Variants in COL28A1 observed in about 807,000 individuals in gnomAD.
The protein encoded by COL28A1 is collagen type XXVIII alpha 1 chain, also known as collagen alpha-1(XXVIII) chain.
Under a neutral mutation model 150.2 loss-of-function variants are expected in COL28A1, and 161 were observed. That is an observed-to-expected ratio of 1.07 (90% confidence interval 0.94 to 1.22). The LOEUF (loss-of-function observed/expected upper bound fraction) is 1.22. Among genes scored for constraint, COL28A1 ranks in the 50% most tolerant of loss-of-function variants. The pLI is 0.00. For missense variants in COL28A1, 1,617 were observed against 1,388.3 expected (o/e 1.16, Z -2.62); for synonymous variants, 552 against 469.7 (o/e 1.18, Z -2.26).
the COL28A1 span, among the ~76,000 whole-genome samples, chr7:7,340,554 C>T: frequency 2.6e-5 from 4 of 152,084 alleles, no homozygotes; most frequent in African/African-American, 4.8e-5. Flanking sequence ...ATGATGCGGC[C>T]GTAGGCAATT....
At position 7,373,978 on chromosome 7, in the gene COL28A1, C is replaced by T. The variant is rs1366311602; in HGVS notation, c.2360-432G>A. ...CCTCCCAAAGTGCTGGGATTACAGG[C>T]GTGAGCCACCGCGCCCGGCCCCTTC... On this transcript the variant is annotated intron_variant, in intron 31 of 34. Transcript: ENST00000399429. This position sits in a 1 kb window ranked among gnomAD's most constrained non-coding sequence, Gnocchi z 4.1. 2.7e-5 allele frequency among the ~76,000 whole-genome samples: 4 copies of T among 145,702 alleles called. No individual in the cohort carries two copies. Among genetic ancestry groups the T allele is most frequent in the African/African-American group, 5.1e-5 (2 of 39,018 alleles).
At chr7:7,360,742 G>A (rs1266122821) in intron 33 of COL28A1, among the ~76,000 whole-genome samples, 2 of 152,056 alleles carry the variant, frequency 1.3e-5, no homozygotes, top group African/African-American at 2.4e-5. Context: ...ACCACTTGGT[G>A]TGGGTGTATT....
At chr7:7,496,605 G>T (rs1473827728) in intron 11 of COL28A1, among the ~76,000 whole-genome samples, 4 of 152,100 alleles carry the variant, frequency 2.6e-5, no homozygotes, top group Non-Finnish European at 4.4e-5. Context: ...AAATTCAGCT[G>T]AGAAAACCGA....
At chr7:7,453,269 T>C (rs560817440) in intron 17 of COL28A1, among the ~76,000 whole-genome samples, 171 bp downstream of exon 17, 1 of 152,336 alleles carries the variant, frequency 6.6e-6, no homozygotes, top group African/African-American at 2.4e-5. Context: ...GCATAAAGAA[T>C]ACATATTACA....
intron 11 of COL28A1, among the ~76,000 whole-genome samples, chr7:7,504,593 C>T (rs944537483): frequency 3.9e-5 from 6 of 152,220 alleles, no homozygotes; most frequent in East Asian, 3.9e-4. Context: ...CTGCCAGCCA[C>T]GACCTGCATC....
chr7:7,424,605 G>C lies in COL28A1; in HGVS notation c.1999-4652C>G, dbSNP rs146367850. 1.3e-3 allele frequency among the ~76,000 whole-genome samples: 192 copies of C among 152,218 alleles called. 1 individual carries two copies. The highest frequency in any genetic ancestry group is 4.3e-3 in the African/African-American group (179 of 41,530). The stretch of plus-strand genomic sequence containing the variant: ...GCCTGCAGAGGGAGCCCTTGTATTA[G>C]GAGATAATGAACAGACGTGCGAGCA... On this transcript the variant is annotated intron_variant, in intron 25 of 34. Coordinates refer to ENST00000399429, the MANE Select transcript of COL28A1 (RefSeq NM_001037763.3).
chr7:7,339,970 GATAGTCCTT>G, the COL28A1 span, among the ~76,000 whole-genome samples: 1 of 152,034 alleles, frequency 6.6e-6, no homozygotes, highest in Non-Finnish European at 1.5e-5. Flanking sequence ...ATGTTGATTT[GATAGTCCTT>G]ACATTATTGT....
intron 12 of COL28A1, among the ~76,000 whole-genome samples, chr7:7,489,664 C>G (rs1779813229): frequency 6.6e-6 from 1 of 152,056 alleles, no homozygotes; most frequent in East Asian, 1.9e-4. Flanking sequence ...TCTTCTTGTC[C>G]AAATGTAATT....
the COL28A1 span, among the ~76,000 whole-genome samples, chr7:7,348,210 T>C: frequency 1.6e-4 from 24 of 151,998 alleles, no homozygotes; most frequent in Non-Finnish European, 3.4e-4. Context: ...GAGAGTAAAG[T>C]TGGAGTTCAG....
intron 27 of COL28A1, among the ~76,000 whole-genome samples, chr7:7,390,172 A>T (rs895752960): frequency 2.0e-5 from 3 of 152,116 alleles, no homozygotes; most frequent in African/African-American, 7.2e-5. Flanking sequence ...ATCCATCAAT[A>T]CCTAGTTTAT....
chr7:7,384,549 A>G (rs1430973590), intron 27 of COL28A1, among the ~76,000 whole-genome samples: 1 of 152,158 alleles, frequency 6.6e-6, no homozygotes, highest in East Asian at 1.9e-4. Context: ...CTATTTTATT[A>G]TGTGTTTGTT....
chr7:7,540,387 T>C (rs1034750883), upstream of COL28A1, among the ~76,000 whole-genome samples: 1 of 152,248 alleles, frequency 6.6e-6, no homozygotes, highest in Non-Finnish European at 1.5e-5. Context: ...CTGATTGGTA[T>C]TTAAACTTTT....
chr7:7,356,365 C>G (rs1583205272), downstream of COL28A1: 1 of 152,120 alleles, frequency 6.6e-6, no homozygotes, highest in Non-Finnish European at 1.5e-5. Context: ...GAATAGAGAG[C>G]TGGGATGGCG....
intron 13 of COL28A1, among the ~76,000 whole-genome samples, chr7:7,484,572 A>G (rs1015151432): frequency 2.6e-5 from 4 of 152,178 alleles, no homozygotes; most frequent in Non-Finnish European, 5.9e-5. Context: ...TGGTAGGATG[A>G]AAATAAAGTA....
chr7:7,541,034 C>A, the COL28A1 span, among the ~76,000 whole-genome samples: 3 of 151,988 alleles, frequency 2.0e-5, no homozygotes, highest in African/African-American at 7.2e-5. Flanking sequence ...ATAAGAATAT[C>A]CAAAAAAAGT....
intron 15 of COL28A1, among the ~76,000 whole-genome samples, chr7:7,463,159 T>C (rs1787775937): frequency 6.6e-6 from 1 of 151,864 alleles, no homozygotes; most frequent in South Asian, 2.1e-4. Flanking sequence ...GAACTAGATA[T>C]CAAAATACAA....
At chr7:7,527,122 C>T (rs566057040) in intron 3 of COL28A1, among the ~76,000 whole-genome samples, 15 of 152,266 alleles carry the variant, frequency 9.9e-5, no homozygotes, top group Non-Finnish European at 2.1e-4. Context: ...TTTTGGAACT[C>T]ATTTAATTTT....
intron 11 of COL28A1, among the ~76,000 whole-genome samples, chr7:7,493,057 AAT>A (rs59416586): frequency 0.11 from 16,647 of 145,980 alleles, 994 homozygotes; most frequent in Middle Eastern, 0.22. Context: ...ATTAATATAT[AAT>A]ATATATATAT....
At chr7:7,444,392 CA>C (rs1489649757) in intron 19 of COL28A1, 25 bp downstream of exon 19, 1 of 1,613,280 alleles carries the variant, frequency 6.2e-7, no homozygotes, top group East Asian at 2.2e-5. Context: ...GTTCCTACTC[CA>C]GTAATACGAA....
Sources: gnomAD v4.1 joint callset for allele counts (sites outside exome capture counted in the v4.1 genomes callset) on GRCh38, gnomAD v4.1.1 for gene constraint, Gnocchi (gnomAD v3.1) non-coding constraint, MANE v1.5 for transcripts, NCBI Gene and HGNC (gene_info 2026-07-23, HGNC 2026-07-21) for gene names.